The following CADPS2 variants were observed in gnomAD, a reference collection of about 807,000 sequenced individuals.
CADPS2 encodes calcium dependent secretion activator 2, also known as calcium-dependent secretion activator 2.
A neutral mutation model predicts 172.5 loss-of-function variants in CADPS2; 93 were observed. The ratio of observed to expected loss-of-function variants is 0.54; its 90% confidence interval spans 0.46 to 0.64. CADPS2 has a LOEUF of 0.64. Ranked by LOEUF, CADPS2 falls within the 30% of genes least tolerant of loss-of-function variation. The pLI is 0.00. For synonymous variants in CADPS2, 546 were observed against 555.2 expected (o/e 0.98, Z 0.23); for missense variants, 1,420 against 1,565.9 (o/e 0.91, Z 1.57).
chr7:122,849,143 A>G (rs1334130864), intron 1 of CADPS2, among the ~76,000 whole-genome samples: 1 of 152,226 alleles, frequency 6.6e-6, no homozygotes, highest in Non-Finnish European at 1.5e-5. Flanking sequence ...CATTTATATC[A>G]AAGATTAGCT....
At chr7:122,470,562 T>C (rs1372502183) in intron 14 of CADPS2, among the ~76,000 whole-genome samples, 1 of 152,142 alleles carries the variant, frequency 6.6e-6, no homozygotes, top group Admixed American at 6.6e-5. Flanking sequence ...TGGCATGATC[T>C]TGGCTCACTG....
At chr7:122,605,774 TAATA>T (rs1242503022) in intron 6 of CADPS2, among the ~76,000 whole-genome samples, 4 of 152,148 alleles carry the variant, frequency 2.6e-5, no homozygotes, top group African/African-American at 7.2e-5. Context: ...ATAATACATA[TAATA>T]AATAAATACA....
intron 6 of CADPS2, among the ~76,000 whole-genome samples, chr7:122,600,882 C>T (rs141622374): frequency 4.5e-4 from 68 of 152,098 alleles, no homozygotes; most frequent in Admixed American, 1.1e-3. Flanking sequence ...ACATATAAAA[C>T]AAATAACTGG....
At chr7:122,705,935 T>TAATATAA (rs376393843) in intron 2 of CADPS2, among the ~76,000 whole-genome samples, 1 of 6,560 alleles carries the variant, frequency 1.5e-4, no homozygotes, top group African/African-American at 6.0e-4. Flanking sequence ...ATATAATATA[T>TAATATAA]TATATAATAT....
At chr7:122,414,671 T>C (rs567504054) in intron 18 of CADPS2, among the ~76,000 whole-genome samples, 1 of 152,188 alleles carries the variant, frequency 6.6e-6, no homozygotes, top group East Asian at 1.9e-4. Context: ...GATTCCACAG[T>C]GTGAGCTAAA....
intron 4 of CADPS2, among the ~76,000 whole-genome samples, chr7:122,623,248 G>A (rs2075775694): frequency 6.6e-6 from 1 of 151,402 alleles, no homozygotes; most frequent in South Asian, 2.1e-4. Context: ...GGGCGGGGGA[G>A]GGAAGGAATT....
chr7:122,647,470 TAGA>T (rs1349327957), intron 3 of CADPS2, among the ~76,000 whole-genome samples: 5 of 152,196 alleles, frequency 3.3e-5, no homozygotes, highest in Admixed American at 1.3e-4. Context: ...ATAGTAATAA[TAGA>T]AGTCTTTCTG....
chr7:122,820,888 T>A (rs566223146), intron 1 of CADPS2, among the ~76,000 whole-genome samples: 1 of 143,602 alleles, frequency 7.0e-6, no homozygotes, highest in Non-Finnish European at 1.5e-5. Flanking sequence ...AGCCCTCATG[T>A]CTGCATGCAG....
chr7:122,345,384 G>A (rs529519828), intron 28 of CADPS2, among the ~76,000 whole-genome samples, 190 bp downstream of exon 28: 7 of 151,952 alleles, frequency 4.6e-5, no homozygotes, highest in African/African-American at 1.4e-4. Flanking sequence ...CTGATCCACC[G>A]GTCTCAGCCT....
chr7:122,737,184 A>G, intron 1 of CADPS2, 116 bp from the exon 2 acceptor site: 1 of 596,424 alleles, frequency 1.7e-6, no homozygotes, highest in Non-Finnish European at 3.0e-6. Flanking sequence ...ACTTTATAGT[A>G]AAGAAAAATA....
intron 1 of CADPS2, among the ~76,000 whole-genome samples, chr7:122,764,049 T>A (rs2093471707): frequency 6.6e-6 from 1 of 152,174 alleles, no homozygotes; most frequent in African/African-American, 2.4e-5. Context: ...TCGAGCTTTT[T>A]GGTCCCCTAG....
At chr7:122,729,603 T>G (rs1410607334) in intron 2 of CADPS2, among the ~76,000 whole-genome samples, 1 of 151,642 alleles carries the variant, frequency 6.6e-6, no homozygotes, top group Non-Finnish European at 1.5e-5. Context: ...TTTTATTTTT[T>G]CATATACATG....
rs550086455 is a variant in CADPS2 at position 122,597,899 on chromosome 7, G to A, written c.1224-16609C>T. Among the ~76,000 whole-genome samples, 13 of 150,216 alleles carry A rather than the reference G, an allele frequency of 8.7e-5. No individual in the cohort carries two copies. The South Asian group carries it at 2.7e-3, about 32-fold the overall frequency. ...CAGAACTTTTGGCAAAGGCAGACTT[G>A]GCATCTTTTTAACATTTTTTTTTTT... is the stretch of plus-strand genomic sequence containing the variant. On this transcript the variant is annotated intron_variant, in intron 6 of 29. Transcript: ENST00000449022.
intron 6 of CADPS2, among the ~76,000 whole-genome samples, chr7:122,586,944 A>T (rs1252057733): frequency 1.3e-5 from 2 of 151,946 alleles, no homozygotes; most frequent in African/African-American, 4.8e-5. Flanking sequence ...TAACTCTATT[A>T]AAAAGATTAT....
At chr7:122,522,512 T>C (rs1168849724) in intron 8 of CADPS2, among the ~76,000 whole-genome samples, 2 of 152,148 alleles carry the variant, frequency 1.3e-5, no homozygotes. Context: ...AATGGTAAAA[T>C]CGGGATATTT....
chr7:122,508,301 TG>T (rs1426470757), intron 9 of CADPS2, among the ~76,000 whole-genome samples: 1 of 152,024 alleles, frequency 6.6e-6, no homozygotes, highest in African/African-American at 2.4e-5. Flanking sequence ...CATATATTGA[TG>T]ATGGCATTGT....
intron 8 of CADPS2, among the ~76,000 whole-genome samples, chr7:122,514,676 T>C (rs62474621): frequency 0.014 from 2,082 of 152,178 alleles, 27 homozygotes; most frequent in Non-Finnish European, 0.019. Flanking sequence ...CACATAAAGG[T>C]GTATGCTGTA....
chr7:122,783,031 T>A (rs541931622), intron 1 of CADPS2, among the ~76,000 whole-genome samples: 1 of 151,976 alleles, frequency 6.6e-6, no homozygotes, highest in South Asian at 2.1e-4. Flanking sequence ...GCTAACACAG[T>A]GAATCCCCAT....
chr7:122,589,818 T>C (rs546871918), intron 6 of CADPS2, among the ~76,000 whole-genome samples: 5 of 152,066 alleles, frequency 3.3e-5, no homozygotes, highest in South Asian at 4.1e-4. Flanking sequence ...TAGGGACTTC[T>C]ACCTTACAAG....
Sources: gnomAD v4.1 joint callset for allele counts (sites outside exome capture counted in the v4.1 genomes callset) on GRCh38, gnomAD v4.1.1 for gene constraint, MANE v1.5 for transcripts, NCBI Gene and HGNC (gene_info 2026-07-23, HGNC 2026-07-21) for gene names.